Variants in COL4A4 observed in about 807,000 individuals in gnomAD.
COL4A4 encodes collagen alpha-4(IV) chain.
A neutral mutation model predicts 192.9 loss-of-function variants in COL4A4; 105 were observed. That is an observed-to-expected ratio of 0.54 (90% CI 0.46 to 0.64). The LOEUF is 0.64. COL4A4 is among the 30% of genes least tolerant of loss of function. The probability of loss-of-function intolerance (pLI) is 0.00; values close to 1 mark genes in which losing one functional copy is unlikely to be tolerated. For synonymous variants in COL4A4, 762 were observed against 769.9 expected (o/e 0.99, Z 0.17); for missense variants, 1,967 against 2,169.3 (o/e 0.91, Z 1.85).
the COL4A4 span, among the ~76,000 whole-genome samples, chr2:226,982,946 C>T: frequency 6.6e-6 from 1 of 152,130 alleles, no homozygotes; most frequent in Non-Finnish European, 1.5e-5. Context: ...AGCTGGGTTG[C>T]ACTTTTATCT....
At chr2:227,135,941 G>A (rs1390014785) in intron 4 of COL4A4, among the ~76,000 whole-genome samples, 3 of 152,118 alleles carry the variant, frequency 2.0e-5, no homozygotes, top group African/African-American at 7.2e-5. Flanking sequence ...ACCATGCCTG[G>A]CCCCTGAATT....
At chr2:226,973,616 T>C in the COL4A4 span, among the ~76,000 whole-genome samples, 10 of 152,334 alleles carry the variant, frequency 6.6e-5, 1 homozygote, top group South Asian at 2.1e-3. Context: ...TCTAACATTT[T>C]ATGTTTGAAT....
chr2:227,081,558 G>T (rs1320006059), intron 23 of COL4A4, among the ~76,000 whole-genome samples: 1 of 152,116 alleles, frequency 6.6e-6, no homozygotes. Context: ...AGCCACTACT[G>T]GCTTCCTTGC....
At chr2:227,069,206 G>T (rs1409707228) in intron 25 of COL4A4, among the ~76,000 whole-genome samples, 17 of 141,178 alleles carry the variant, frequency 1.2e-4, no homozygotes, top group Non-Finnish European at 2.0e-4. Context: ...CACTGCTCAA[G>T]GAAATAAAAG....
At chr2:227,101,651 G>A (rs2150774969) in intron 16 of COL4A4, 94 bp from the exon 17 acceptor site, 1 of 1,283,726 alleles carries the variant, frequency 7.8e-7, no homozygotes, top group South Asian at 1.3e-5. Context: ...ATTGCCCACT[G>A]AGACCATGCA....
chr2:227,018,240 GTT>G (rs1368200511), intron 44 of COL4A4, among the ~76,000 whole-genome samples: 1 of 152,114 alleles, frequency 6.6e-6, no homozygotes, highest in Non-Finnish European at 1.5e-5. Flanking sequence ...GTTTTGTTTT[GTT>G]TTGTTTTAGA....
chr2:227,144,810 G>A (rs572754441), intron 2 of COL4A4, among the ~76,000 whole-genome samples: 46 of 152,278 alleles, frequency 3.0e-4, no homozygotes, highest in Non-Finnish European at 5.9e-4. Flanking sequence ...GCTGGGGACC[G>A]TGAGGACCCT....
chr2:227,021,408 A>G (rs1466153201), intron 44 of COL4A4, among the ~76,000 whole-genome samples: 1 of 152,156 alleles, frequency 6.6e-6, no homozygotes, highest in Non-Finnish European at 1.5e-5. Context: ...TTAACTCAAA[A>G]TCAAGTAGGC....
chr2:227,021,940 C>A lies in COL4A4; in HGVS notation c.4216+108G>T, dbSNP rs1343076115. On this transcript the variant is annotated intron_variant, in intron 44 of 47. Transcript: ENST00000396625. ...AATTGCAAAGGGAAAGACATGCTTT[C>A]TCCTCAGTAGTTTAGGCTCCATATA... The A allele has an allele frequency of 2.3e-6, 3 of 1,283,266 alleles. No individual in the cohort carries two copies. In the East Asian group the frequency reaches 7.0e-5, roughly 30 times the overall value. 79.5% of individuals were successfully genotyped at this position (1,283,266 alleles called of 1,614,324 possible).
intron 41 of COL4A4, among the ~76,000 whole-genome samples, chr2:227,028,375 C>T (rs1198529828): frequency 6.6e-6 from 1 of 152,164 alleles, no homozygotes; most frequent in East Asian, 1.9e-4. Context: ...TTCAACCACT[C>T]TCCTCCTCAC....
downstream of COL4A4, chr2:226,999,144 CAG>C (rs1280068566): frequency 6.6e-6 from 1 of 152,234 alleles, no homozygotes; most frequent in East Asian, 1.9e-4. Flanking sequence ...TCTCTCCTCA[CAG>C]TGCCTTGAGC....
chr2:227,037,636 G>A (rs1378664976), intron 37 of COL4A4, among the ~76,000 whole-genome samples: 2 of 152,080 alleles, frequency 1.3e-5, no homozygotes, highest in Non-Finnish European at 2.9e-5. Context: ...GGAATTTCTG[G>A]TTCTAGATCC....
At chr2:227,011,440 C>G (rs1037011680) in intron 45 of COL4A4, among the ~76,000 whole-genome samples, 1 of 152,182 alleles carries the variant, frequency 6.6e-6, no homozygotes, top group Non-Finnish European at 1.5e-5. Flanking sequence ...CTATAATTGG[C>G]TGGAGCTGCG....
At chr2:227,037,804 A>C (rs762398260) in intron 37 of COL4A4, among the ~76,000 whole-genome samples, 2 of 152,096 alleles carry the variant, frequency 1.3e-5, no homozygotes, top group Non-Finnish European at 2.9e-5. Context: ...ATGGTATCTC[A>C]TTGTGGTTTT....
chr2:227,071,930 G>A (rs2058746614), intron 25 of COL4A4, among the ~76,000 whole-genome samples: 1 of 151,966 alleles, frequency 6.6e-6, no homozygotes. Context: ...AGTGCTAACT[G>A]CCTACATCAA....
chr2:227,151,653 A>C (rs191202729), intron 1 of COL4A4, among the ~76,000 whole-genome samples: 49 of 152,308 alleles, frequency 3.2e-4, no homozygotes, highest in Middle Eastern at 3.4e-3. Flanking sequence ...TCCAATTCGT[A>C]GGTTGCAACT....
the COL4A4 span, among the ~76,000 whole-genome samples, chr2:226,969,925 G>A: frequency 1.3e-5 from 2 of 151,942 alleles, no homozygotes; most frequent in Non-Finnish European, 2.9e-5. Context: ...GAACTCAGAA[G>A]GAGGGTCTGG....
intron 37 of COL4A4, among the ~76,000 whole-genome samples, chr2:227,036,108 G>T (rs930799441): frequency 4.6e-5 from 7 of 152,114 alleles, no homozygotes; most frequent in Non-Finnish European, 8.8e-5. Context: ...ACATTTCTGG[G>T]TAATGAGGAA....
At chr2:226,986,221 A>G in the COL4A4 span, among the ~76,000 whole-genome samples, 2 of 152,362 alleles carry the variant, frequency 1.3e-5, no homozygotes, top group East Asian at 3.9e-4. Flanking sequence ...ACAGACCAAA[A>G]GAGACTAAGG....
Sources: allele counts gnomAD v4.1 joint callset (sites outside exome capture counted in the v4.1 genomes callset), GRCh38; gene constraint gnomAD v4.1.1; transcripts MANE v1.5; gene names NCBI Gene and HGNC (gene_info 2026-07-23, HGNC 2026-07-21).